The following CNTNAP4 variants were observed in gnomAD, a reference collection of about 807,000 sequenced individuals.
CNTNAP4 encodes the protein contactin associated protein family member 4.
A neutral mutation model predicts 148.4 loss-of-function variants in CNTNAP4; 98 were observed. The ratio of observed to expected loss-of-function variants is 0.66; its 90% CI spans 0.56 to 0.78. CNTNAP4 has a LOEUF of 0.78. CNTNAP4 is among the 30% of genes least tolerant of loss of function. The probability of loss-of-function intolerance (pLI) is 0.00; values close to 1 mark genes in which losing one functional copy is unlikely to be tolerated. For synonymous variants in CNTNAP4, 730 were observed against 565.1 expected, an observed-to-expected ratio of 1.29 and a Z score of -4.14; for missense variants, 1,935 against 1,565.6, an observed-to-expected ratio of 1.24 and a Z score of -3.98.
At chr16:76,400,169 G>C (rs1387072740) in intron 3 of CNTNAP4, among the ~76,000 whole-genome samples, 1 of 152,146 alleles carries the variant, frequency 6.6e-6, no homozygotes, top group Non-Finnish European at 1.5e-5. Flanking sequence ...GAAGGAGCCA[G>C]TCAAGGCTAT....
rs200760113 is a variant in CNTNAP4 at position 76,553,421 on chromosome 16, C to G, written c.3581C>G (p.Thr1194Arg). The change falls in exon 22 of 24, where the codon ACA becomes AGA. Residue 1194 changes from threonine to arginine, a missense_variant. Transcript: ENST00000611870. ...AGCCACCCAGACCCTGTCACTGTTA[C>G]AGGACACGTGACTGAGTCCAGCTGT... Reference protein sequence around the residue: ...HPSHPDPVTVTGHVTESSCMA... With the variant: ...HPSHPDPVTVRGHVTESSCMA... 1.9e-4 allele frequency: 305 copies of G among 1,612,636 alleles called. No homozygotes were observed. The highest frequency in any genetic ancestry group is 2.4e-4 in the Non-Finnish European group (284 of 1,179,306).
chr16:76,410,447 T>G (rs2078753250), intron 3 of CNTNAP4, among the ~76,000 whole-genome samples: 1 of 151,726 alleles, frequency 6.6e-6, no homozygotes, highest in South Asian at 2.1e-4. Context: ...TGTGAGCCAT[T>G]TACTGGTTGG....
chr16:76,298,707 G>T lies in CNTNAP4; in HGVS notation c.86-17706G>T, dbSNP rs572242992. 2.6e-5 allele frequency among the ~76,000 whole-genome samples: 4 copies of T among 152,240 alleles called. No individual in the cohort carries two copies. The East Asian group carries it at 7.7e-4, about 29-fold the overall frequency. On this transcript the variant is annotated intron_variant, in intron 1 of 23. Coordinates refer to ENST00000611870, the MANE Select transcript of CNTNAP4 (RefSeq NM_033401.5). Reference sequence around the variant, plus strand: ...CTCTCCAAGGGCTCAGTTGCCTGCAGGGATGCTGGCCAACTGGACTGCTGA... The same window carrying T: ...CTCTCCAAGGGCTCAGTTGCCTGCATGGATGCTGGCCAACTGGACTGCTGA...
chr16:76,296,097 T>A (rs1959264823), intron 1 of CNTNAP4, among the ~76,000 whole-genome samples: 1 of 152,244 alleles, frequency 6.6e-6, no homozygotes, highest in Admixed American at 6.5e-5. Context: ...ATTTCTACAA[T>A]GCAATGTTTG....
intron 3 of CNTNAP4, among the ~76,000 whole-genome samples, chr16:76,424,884 A>T (rs138554320): frequency 1.9e-3 from 285 of 152,338 alleles, no homozygotes; most frequent in Non-Finnish European, 2.5e-3. Context: ...TAAGTTCGGG[A>T]AACATTGCCC....
rs561683486 is a variant in CNTNAP4, at chr16:76,454,832, A to T, written c.1333+2063A>T. Among the ~76,000 whole-genome samples the T allele has an allele frequency of 6.4e-4, 97 of 152,314 alleles. 1 individual carries two copies. In the South Asian group the frequency reaches 0.018, roughly 29 times the overall value. ...GATGGATTGCTATCACATTGTACTAAATCTTTTCATTATATAAGGATGGAT... is the reference window on the plus strand; with the variant it reads ...GATGGATTGCTATCACATTGTACTATATCTTTTCATTATATAAGGATGGAT... On this transcript the variant is annotated intron_variant, in intron 8 of 23. Transcript: ENST00000611870.
rs1007964714 is a variant in CNTNAP4, at chr16:76,539,602, C to A, written c.3221-117C>A. ...ACTCTTGGGGATTATAAAAAGGTAT[C>A]TTCCAATTTTTCCCTCGAAATGAAT... On this transcript the variant is annotated intron_variant, in intron 19 of 23. Coordinates refer to ENST00000611870, the MANE Select transcript of CNTNAP4 (RefSeq NM_033401.5). 4 of 824,212 alleles carry A rather than the reference C, an allele frequency of 4.9e-6. No homozygotes were observed. The African/African-American group carries it at 7.2e-5, about 15-fold the overall frequency. 51.1% of individuals were successfully genotyped at this position (824,212 alleles called of 1,614,324 possible). A position where few individuals can be genotyped will look rare whatever the true frequency, so the allele number is the denominator to read the frequency against.
chr16:76,308,649 G>C (rs1163391427), intron 1 of CNTNAP4, among the ~76,000 whole-genome samples: 15 of 152,134 alleles, frequency 9.9e-5, no homozygotes. Flanking sequence ...TTAATTTGCA[G>C]CTCTATTTTA....
At chr16:76,299,966 A>G (rs1387216668) in intron 1 of CNTNAP4, among the ~76,000 whole-genome samples, 6 of 151,042 alleles carry the variant, frequency 4.0e-5, no homozygotes, top group Non-Finnish European at 5.9e-5. Context: ...GGACACAGGA[A>G]GGGGAACATT....
intron 15 of CNTNAP4, among the ~76,000 whole-genome samples, chr16:76,504,194 C>G (rs1400489491): frequency 1.3e-5 from 2 of 151,840 alleles, no homozygotes; most frequent in Non-Finnish European, 2.9e-5. Context: ...GATTATAAGA[C>G]TTACTGTAAA....
At chr16:76,298,267 C>A (rs571997368) in intron 1 of CNTNAP4, among the ~76,000 whole-genome samples, 1 of 152,118 alleles carries the variant, frequency 6.6e-6, no homozygotes, top group African/African-American at 2.4e-5. Flanking sequence ...CTCAGTGAAC[C>A]TGAATAGAAC....
intron 17 of CNTNAP4, among the ~76,000 whole-genome samples, chr16:76,530,123 A>G (rs1169770473): frequency 6.6e-6 from 1 of 151,186 alleles, no homozygotes; most frequent in East Asian, 1.9e-4. Flanking sequence ...AAGATCTTCG[A>G]CCTCTCTGTG....
chr16:76,336,900 T>A (rs1964071780), intron 2 of CNTNAP4, among the ~76,000 whole-genome samples: 1 of 152,196 alleles, frequency 6.6e-6, no homozygotes, highest in South Asian at 2.1e-4. Context: ...TTTTTCTCAG[T>A]GACCTCTACT....
At chr16:76,279,088 A>T (rs1448052171) in intron 1 of CNTNAP4, among the ~76,000 whole-genome samples, 1 of 152,214 alleles carries the variant, frequency 6.6e-6, no homozygotes, top group Non-Finnish European at 1.5e-5. Context: ...CATTAGAAAA[A>T]CATTGCATCA....
chr16:76,431,297 A>G (rs1201459903), intron 4 of CNTNAP4, among the ~76,000 whole-genome samples: 1 of 152,140 alleles, frequency 6.6e-6, no homozygotes, highest in East Asian at 1.9e-4. Flanking sequence ...AGAGGGTGAA[A>G]TCTGGAGGCA....
At chr16:76,389,633 T>C (rs774576761) in intron 3 of CNTNAP4, among the ~76,000 whole-genome samples, 6 of 152,036 alleles carry the variant, frequency 3.9e-5, no homozygotes, top group Non-Finnish European at 8.8e-5. Flanking sequence ...TTTTTTCTTT[T>C]TTCTTTTTAG....
chr16:76,473,348 A>C lies in CNTNAP4; in HGVS notation c.1656-2591A>C, dbSNP rs556004283. ...CATACACAGTGAGATTGTCAGTGAC[A>C]TTTCTTTTTTATTTTTTCCTGGATT... is the stretch of plus-strand genomic sequence containing the variant. On this transcript the variant is annotated intron_variant, in intron 10 of 23. Coordinates refer to ENST00000611870, the MANE Select transcript of CNTNAP4 (RefSeq NM_033401.5). Among the ~76,000 whole-genome samples, 214 of 152,278 alleles carry C rather than the reference A, an allele frequency of 1.4e-3. 1 individual carries two copies. The highest frequency in any genetic ancestry group is 5.0e-3 in the African/African-American group (208 of 41,560).
At chr16:76,480,825 C>G (rs12445763) in intron 12 of CNTNAP4, among the ~76,000 whole-genome samples, 6,664 of 152,198 alleles carry the variant, frequency 0.044, 339 homozygotes, top group African/African-American at 0.12. Context: ...TCCGTGCAAA[C>G]CTAAATTAAA....
intron 13 of CNTNAP4, among the ~76,000 whole-genome samples, chr16:76,492,436 G>A (rs539889818): frequency 6.6e-6 from 1 of 152,256 alleles, no homozygotes; most frequent in South Asian, 2.1e-4. Context: ...TACAAAAGAA[G>A]GATGGTTATC....
Sources: gnomAD v4.1 joint callset for allele counts (sites outside exome capture counted in the v4.1 genomes callset) on GRCh38, gnomAD v4.1.1 for gene constraint, MANE v1.5 for transcripts, NCBI Gene and HGNC (gene_info 2026-07-23, HGNC 2026-07-21) for gene names.